The following DNM3 variants were observed in gnomAD, a reference collection of about 807,000 sequenced individuals.
The protein encoded by DNM3 is dynamin-3.
A neutral mutation model predicts 101.6 loss-of-function variants in DNM3; 47 were observed. The ratio of observed to expected loss-of-function variants is 0.46; its 90% CI spans 0.37 to 0.59. The LOEUF is 0.59. Among genes scored for constraint, DNM3 ranks in the 20% least tolerant of loss-of-function variants. DNM3 has a pLI of 0.00. For synonymous variants in DNM3, 385 were observed against 387.9 expected, an observed-to-expected ratio of 0.99 and a Z score of 0.09; for missense variants, 849 against 1,085.7, an observed-to-expected ratio of 0.78 and a Z score of 3.06.
chr1:172,047,319 T>C (rs941011746), intron 9 of DNM3, among the ~76,000 whole-genome samples: 2 of 152,212 alleles, frequency 1.3e-5, no homozygotes, highest in Admixed American at 1.3e-4. Context: ...TATCCTGCAA[T>C]GTGAAATAGA....
chr1:171,963,496 C>A (rs12123334), intron 2 of DNM3, among the ~76,000 whole-genome samples: 22,764 of 151,948 alleles, frequency 0.15, 2,252 homozygotes, highest in South Asian at 0.26. Flanking sequence ...CCAAGAGGGA[C>A]CCCTACTGTA....
intron 14 of DNM3, among the ~76,000 whole-genome samples, chr1:172,199,841 T>G (rs574150633): frequency 1.5e-4 from 23 of 152,178 alleles, no homozygotes; most frequent in African/African-American, 4.6e-4. Flanking sequence ...ATACTATTAG[T>G]TCTTGCTTTT....
At chr1:172,157,206 G>C (rs1333896697) in intron 14 of DNM3, among the ~76,000 whole-genome samples, 1 of 152,066 alleles carries the variant, frequency 6.6e-6, no homozygotes, top group Admixed American at 6.6e-5. Flanking sequence ...CAGATCATCA[G>C]GCATTAGATT....
chr1:172,129,369 GA>G (rs1235892366), intron 13 of DNM3, among the ~76,000 whole-genome samples: 35 of 152,152 alleles, frequency 2.3e-4, no homozygotes, highest in African/African-American at 8.2e-4. Flanking sequence ...CATTCATTTG[GA>G]ATGGTAGGTG....
chr1:172,247,197 CG>C (rs1287585493), intron 14 of DNM3, among the ~76,000 whole-genome samples: 2 of 151,804 alleles, frequency 1.3e-5, no homozygotes, highest in East Asian at 3.9e-4. Flanking sequence ...GTTTTTGGTG[CG>C]GATGTGTCAG....
rs115127304 is a variant in DNM3, at chr1:172,148,016, A to G, written c.1659+16728A>G. On this transcript the variant is annotated intron_variant, in intron 14 of 20. Transcript: ENST00000627582. ...TCCCCATTTTATTGATGATAAAATTAAAGCTCAGAGAGCTTAAACATTATT... is the reference window on the plus strand; with the variant it reads ...TCCCCATTTTATTGATGATAAAATTGAAGCTCAGAGAGCTTAAACATTATT... Among the ~76,000 whole-genome samples the G allele has an allele frequency of 5.7e-3, 863 of 152,232 alleles. 10 individuals carry two copies. The highest frequency in any genetic ancestry group is 0.02 in the African/African-American group (818 of 41,554).
intron 2 of DNM3, among the ~76,000 whole-genome samples, chr1:171,954,021 A>T (rs1364316246): frequency 2.0e-5 from 3 of 152,156 alleles, no homozygotes; most frequent in Non-Finnish European, 4.4e-5. Context: ...CTGTGGGCTC[A>T]ACCTAGCACA....
chr1:171,883,130 C>T (rs560555864), intron 1 of DNM3, among the ~76,000 whole-genome samples: 44 of 151,962 alleles, frequency 2.9e-4, no homozygotes, highest in African/African-American at 1.0e-3. Flanking sequence ...TCCTGGCTCC[C>T]TAATGTTCTT....
At chr1:172,023,201 G>A (rs1344523103) in intron 4 of DNM3, among the ~76,000 whole-genome samples, 1 of 152,008 alleles carries the variant, frequency 6.6e-6, no homozygotes, top group African/African-American at 2.4e-5. Context: ...GATATCAATT[G>A]CTCTCTTGGT....
chr1:171,904,065 T>C (rs1355244432), intron 1 of DNM3, among the ~76,000 whole-genome samples: 1 of 151,652 alleles, frequency 6.6e-6, no homozygotes, highest in Non-Finnish European at 1.5e-5. Flanking sequence ...CTCAGCACTT[T>C]GGGAGGCTGT....
Position 172,133,587 on chromosome 1 carries a change from A to G in DNM3, c.1659+2299A>G, listed in dbSNP as rs114340990. ...GAGGAAATGACAAAGTTACTGTTCT[A>G]TGGAGCTAACAAGCAAATAGACTAG... On this transcript the variant is annotated intron_variant, in intron 14 of 20. Coordinates refer to ENST00000627582, the MANE Select transcript of DNM3 (RefSeq NM_015569.5). Among the ~76,000 whole-genome samples, 1,134 of 152,246 alleles carry G rather than the reference A, an allele frequency of 7.4e-3. 17 individuals are homozygous for G. Among genetic ancestry groups the G allele is most frequent in the African/African-American group, 0.025 (1,055 of 41,562 alleles).
intron 17 of DNM3, among the ~76,000 whole-genome samples, chr1:172,335,781 G>A (rs947990816): frequency 5.9e-5 from 9 of 152,082 alleles, no homozygotes; most frequent in African/African-American, 1.9e-4. Context: ...TAGACACTGG[G>A]GACTACTGGA....
At chr1:171,929,423 G>A (rs992642654) in intron 2 of DNM3, among the ~76,000 whole-genome samples, 3 of 151,736 alleles carry the variant, frequency 2.0e-5, no homozygotes, top group Non-Finnish European at 2.9e-5. Context: ...GTCCCTGGTT[G>A]TCTTGGACTT....
At position 172,407,905 on chromosome 1, in the gene DNM3, C is replaced by T. The variant is rs965429539; in HGVS notation, c.*64C>T. 84 of 1,609,886 alleles carry T rather than the reference C, an allele frequency of 5.2e-5. No homozygotes were observed. The highest frequency in any genetic ancestry group is 1.6e-4 in the Middle Eastern group (1 of 6,070). On this transcript the variant is annotated 3_prime_UTR_variant, in exon 21 of 21. Transcript: ENST00000627582. ...ATGCGAAAGCAACATATTTGATAAC[C>T]GTTGCAGTAAATCATGAGTAGTCGC...
chr1:172,165,506 A>G (rs1052660048), intron 14 of DNM3, among the ~76,000 whole-genome samples: 1 of 152,012 alleles, frequency 6.6e-6, no homozygotes, highest in South Asian at 2.1e-4. Context: ...GGTCTCTTAA[A>G]TTGAGCCCCA....
chr1:172,304,575 T>C (rs112132942), intron 15 of DNM3, among the ~76,000 whole-genome samples: 3,239 of 152,232 alleles, frequency 0.021, 103 homozygotes, highest in African/African-American at 0.074. Flanking sequence ...ATCAAGAGAA[T>C]ACACATTCTT....
intron 4 of DNM3, among the ~76,000 whole-genome samples, chr1:172,019,684 AT>A (rs2047699914): frequency 7.0e-6 from 1 of 143,552 alleles, no homozygotes; most frequent in East Asian, 2.0e-4. Context: ...TTTCTTTTCG[AT>A]TTTAGATGTT....
chr1:172,347,195 C>CA (rs962924386), intron 17 of DNM3, among the ~76,000 whole-genome samples: 58 of 56,906 alleles, frequency 1.0e-3, no homozygotes, highest in South Asian at 2.5e-3. Flanking sequence ...CTAGCAGAAG[C>CA]CCCCCCCGCC....
chr1:171,957,253 A>C (rs780622681), intron 2 of DNM3, among the ~76,000 whole-genome samples: 11 of 144,376 alleles, frequency 7.6e-5, no homozygotes, highest in Non-Finnish European at 1.6e-4. Flanking sequence ...GCTGGAGTGC[A>C]GTGGTGTGAT....
Sources: gnomAD v4.1 joint callset for allele counts (sites outside exome capture counted in the v4.1 genomes callset) on GRCh38, gnomAD v4.1.1 for gene constraint, MANE v1.5 for transcripts, NCBI Gene and HGNC (gene_info 2026-07-23, HGNC 2026-07-21) for gene names.